SUPT3H: variants seen among roughly 807,000 people sequenced by gnomAD.
SUPT3H encodes SPT3 homolog, SAGA and STAGA complex component.
SUPT3H carries 44 observed loss-of-function variants against 44.3 expected under a neutral mutation model. That is an observed-to-expected ratio of 0.99 (90% confidence interval 0.78 to 1.28). The LOEUF (loss-of-function observed/expected upper bound fraction) is 1.28, where lower values mean the gene tolerates loss of function less well. SUPT3H is among the 50% of genes most tolerant of loss of function. The pLI is 0.00. For synonymous variants in SUPT3H, 124 were observed against 125.6 expected (o/e 0.99, Z 0.09); for missense variants, 380 against 387.1 (o/e 0.98, Z 0.15).
At chr6:44,924,174 T>C (rs969513105) in intron 10 of SUPT3H, among the ~76,000 whole-genome samples, 7 of 152,138 alleles carry the variant, frequency 4.6e-5, no homozygotes, top group East Asian at 1.9e-4. Context: ...GTGCCAGATA[T>C]TGTTAGTGAA....
At chr6:45,367,882 C>A (rs1004842310) in intron 1 of SUPT3H, among the ~76,000 whole-genome samples, 9 of 152,100 alleles carry the variant, frequency 5.9e-5, no homozygotes, top group African/African-American at 2.2e-4. Context: ...TTTTTCTTGA[C>A]ATGATGAGCT....
chr6:44,825,050 T>C (rs1479010583), downstream of SUPT3H, among the ~76,000 whole-genome samples: 1 of 152,226 alleles, frequency 6.6e-6, no homozygotes, highest in Non-Finnish European at 1.5e-5. Context: ...CATGGATACA[T>C]ACCTTGTATG....
intron 2 of SUPT3H, among the ~76,000 whole-genome samples, chr6:45,216,970 AGTT>A (rs1395367961): frequency 2.0e-5 from 3 of 152,154 alleles, no homozygotes; most frequent in Non-Finnish European, 2.9e-5. Flanking sequence ...ATAGAATAGT[AGTT>A]ATTAGAGACT....
intron 2 of SUPT3H, among the ~76,000 whole-genome samples, chr6:45,364,888 T>G (rs1281947952): frequency 6.6e-6 from 1 of 152,120 alleles, no homozygotes; most frequent in Non-Finnish European, 1.5e-5. Flanking sequence ...ATCTATAAAC[T>G]AGAATAGAAA....
At chr6:45,098,842 G>A (rs936338168) in intron 3 of SUPT3H, 2 of 548,546 alleles carry the variant, frequency 3.6e-6, no homozygotes, top group African/African-American at 1.9e-5. Flanking sequence ...CACAGGGCAG[G>A]CTGCAGAAGT....
intron 3 of SUPT3H, among the ~76,000 whole-genome samples, chr6:45,104,117 C>T (rs1400365505): frequency 2.0e-5 from 3 of 151,970 alleles, no homozygotes; most frequent in Non-Finnish European, 4.4e-5. Flanking sequence ...GAAATGGCAA[C>T]TAAAATCTGT....
chr6:45,233,413 G>T lies in SUPT3H; in HGVS notation c.102-127407C>A, dbSNP rs141940331. Reference sequence around the variant, plus strand: ...GTCTCAGGTGTGTGAGTGAGCCAGCGTGAGTACCCTGTCCAGTCTAATGCC... The same window carrying T: ...GTCTCAGGTGTGTGAGTGAGCCAGCTTGAGTACCCTGTCCAGTCTAATGCC... On this transcript the variant is annotated intron_variant, in intron 2 of 10. Transcript: ENST00000371459. Among the ~76,000 whole-genome samples the T allele has an allele frequency of 2.3e-3, 354 of 152,324 alleles. 1 individual carries two copies. The highest frequency in any genetic ancestry group is 7.8e-3 in the African/African-American group (323 of 41,582).
intron 2 of SUPT3H, among the ~76,000 whole-genome samples, chr6:45,307,342 G>A (rs192382521): frequency 0.018 from 2,667 of 152,310 alleles, 50 homozygotes; most frequent in South Asian, 0.085. Context: ...CCTGACACCC[G>A]AGTAGCCTAA....
At chr6:45,183,919 G>A (rs1473242876) in intron 2 of SUPT3H, among the ~76,000 whole-genome samples, 1 of 152,174 alleles carries the variant, frequency 6.6e-6, no homozygotes, top group Non-Finnish European at 1.5e-5. Flanking sequence ...AGGGGTTGGT[G>A]GGGGATGAGG....
At chr6:45,167,921 C>A (rs1810159200) in intron 2 of SUPT3H, among the ~76,000 whole-genome samples, 1 of 151,908 alleles carries the variant, frequency 6.6e-6, no homozygotes, top group South Asian at 2.1e-4. Flanking sequence ...AAGTGATTCT[C>A]CTGCCTCAAC....
intron 9 of SUPT3H, among the ~76,000 whole-genome samples, chr6:44,946,640 T>A (rs139299466): frequency 1.3e-5 from 2 of 152,168 alleles, no homozygotes; most frequent in Admixed American, 6.5e-5. Context: ...AATCTCATGA[T>A]AAAACTTGAA....
chr6:45,199,326 T>C (rs1430097293), intron 2 of SUPT3H, among the ~76,000 whole-genome samples: 3 of 151,278 alleles, frequency 2.0e-5, no homozygotes, highest in Non-Finnish European at 4.5e-5. Flanking sequence ...TAAAATTATA[T>C]ACAAATAATG....
intron 2 of SUPT3H, among the ~76,000 whole-genome samples, chr6:45,254,485 A>G (rs1172536520): frequency 6.6e-6 from 1 of 152,200 alleles, no homozygotes; most frequent in African/African-American, 2.4e-5. Flanking sequence ...ACACACACAC[A>G]CATTAGTATA....
chr6:44,842,202 A>G (rs1353563115), intron 10 of SUPT3H, among the ~76,000 whole-genome samples: 2 of 152,094 alleles, frequency 1.3e-5, no homozygotes, highest in Non-Finnish European at 2.9e-5. Flanking sequence ...TGTCTTTCCA[A>G]CATTTTTTTC....
intron 2 of SUPT3H, chr6:45,197,622 T>C (rs544658531): frequency 2.9e-6 from 1 of 347,188 alleles, no homozygotes; most frequent in Non-Finnish European, 5.7e-6. Context: ...GACAAAAGTT[T>C]TGTGGTATTT....
At chr6:45,016,555 CATTGTTGA>C (rs2153515170) in intron 4 of SUPT3H, among the ~76,000 whole-genome samples, 1 of 138,852 alleles carries the variant, frequency 7.2e-6, no homozygotes, top group East Asian at 2.2e-4. Context: ...CATGTGTTCT[CATTGTTGA>C]ACTCCCATCT....
intron 2 of SUPT3H, among the ~76,000 whole-genome samples, chr6:45,210,644 A>G (rs1261582633): frequency 6.6e-6 from 1 of 152,330 alleles, no homozygotes; most frequent in East Asian, 1.9e-4. Context: ...ACATGTCATC[A>G]GAACTTCCTG....
Position 44,872,603 on chromosome 6 carries a change from C to T in SUPT3H, c.913-42746G>A, listed in dbSNP as rs370656381. 3.9e-3 allele frequency among the ~76,000 whole-genome samples: 580 copies of T among 148,960 alleles called. 3 individuals are homozygous for T. Among genetic ancestry groups the T allele is most frequent in the African/African-American group, 0.014 (556 of 40,538 alleles). ...AAACTGCATCAACTAACGAGCAAAA[C>T]CACCAGCTAACATCATAATGACAGG... On this transcript the variant is annotated intron_variant, in intron 10 of 10. Transcript: ENST00000371459.
chr6:45,128,533 A>AAATAT (rs1554257896), intron 2 of SUPT3H, among the ~76,000 whole-genome samples: 17 of 52,246 alleles, frequency 3.3e-4, no homozygotes, highest in Non-Finnish European at 4.0e-4. Flanking sequence ...AAAAAAAAAA[A>AAATAT]ATATATATAT....
Sources: allele counts gnomAD v4.1 joint callset (sites outside exome capture counted in the v4.1 genomes callset), GRCh38; gene constraint gnomAD v4.1.1; transcripts MANE v1.5; gene names NCBI Gene and HGNC (gene_info 2026-07-23, HGNC 2026-07-21).